The following LUZP2 variants were observed in gnomAD, a reference collection of about 807,000 sequenced individuals.
LUZP2 encodes leucine zipper protein 2.
A neutral mutation model predicts 51.6 loss-of-function variants in LUZP2; 52 were observed. The ratio of observed to expected loss-of-function variants is 1.01; its 90% CI spans 0.81 to 1.27. The LOEUF (loss-of-function observed/expected upper bound fraction) is 1.27, where lower values mean the gene tolerates loss of function less well. LUZP2 is among the 50% of genes most tolerant of loss of function. The pLI is 0.00. For missense variants in LUZP2, 436 were observed against 395.4 expected, an observed-to-expected ratio of 1.10 and a Z score of -0.87; for synonymous variants, 154 against 137.3, an observed-to-expected ratio of 1.12 and a Z score of -0.85.
chr11:24,751,400 C>A (rs1045371770), intron 4 of LUZP2: 3 of 166,412 alleles, frequency 1.8e-5, no homozygotes, highest in African/African-American at 7.2e-5. Context: ...GTAGATTCTG[C>A]TCTCCTTTTC....
intron 9 of LUZP2, among the ~76,000 whole-genome samples, chr11:24,997,130 A>G (rs1856528212): frequency 6.7e-6 from 1 of 150,274 alleles, no homozygotes; most frequent in African/African-American, 2.4e-5. Context: ...TTGGGTATAT[A>G]CCCAGTAATG....
intron 5 of LUZP2, among the ~76,000 whole-genome samples, chr11:24,806,663 G>A (rs572955375): frequency 1.3e-5 from 2 of 152,238 alleles, no homozygotes; most frequent in East Asian, 3.9e-4. Context: ...ACTCAAATAG[G>A]TAGTTCCCAG....
intron 1 of LUZP2, among the ~76,000 whole-genome samples, chr11:24,584,434 CA>C (rs1223887939): frequency 2.6e-5 from 4 of 152,056 alleles, no homozygotes; most frequent in African/African-American, 9.7e-5. Flanking sequence ...TTCTGTTCAC[CA>C]AAGAAGTAAA....
chr11:25,008,906 G>A (rs1354670639), intron 9 of LUZP2, among the ~76,000 whole-genome samples: 1 of 152,130 alleles, frequency 6.6e-6, no homozygotes, highest in African/African-American at 2.4e-5. Flanking sequence ...AGGCATCAAG[G>A]AAGTTCTCAC....
intron 4 of LUZP2, among the ~76,000 whole-genome samples, chr11:24,742,464 A>AT (rs1217083457): frequency 6.6e-6 from 1 of 151,764 alleles, no homozygotes; most frequent in African/African-American, 2.4e-5. Context: ...GATATTGAGC[A>AT]TTTTTTCATA....
intron 1 of LUZP2, among the ~76,000 whole-genome samples, chr11:24,711,736 T>G (rs1393966834): frequency 6.6e-6 from 1 of 152,162 alleles, no homozygotes; most frequent in Non-Finnish European, 1.5e-5. Flanking sequence ...TTTTCCCTAA[T>G]TTTTTGCCTT....
At chr11:25,066,922 A>G (rs1859011001) in intron 10 of LUZP2, among the ~76,000 whole-genome samples, 1 of 152,032 alleles carries the variant, frequency 6.6e-6, no homozygotes, top group South Asian at 2.1e-4. Flanking sequence ...CAAAGCTGAC[A>G]TAGCATAATC....
intron 1 of LUZP2, among the ~76,000 whole-genome samples, chr11:24,691,884 G>C (rs1215849029): frequency 6.6e-6 from 1 of 151,962 alleles, no homozygotes; most frequent in South Asian, 2.1e-4. Context: ...TGATTCATAA[G>C]GCCAGCATTC....
At chr11:24,911,535 C>T (rs1040717581) in intron 6 of LUZP2, among the ~76,000 whole-genome samples, 1 of 151,990 alleles carries the variant, frequency 6.6e-6, no homozygotes, top group Non-Finnish European at 1.5e-5. Context: ...TGGCATTTCC[C>T]CTGCTGGCAC....
chr11:24,989,594 T>C (rs1239967028), intron 9 of LUZP2, among the ~76,000 whole-genome samples: 1 of 152,074 alleles, frequency 6.6e-6, no homozygotes, highest in East Asian at 1.9e-4. Flanking sequence ...CAGACAAATA[T>C]GGACTCTGTG....
chr11:24,822,409 C>T (rs771795979), intron 5 of LUZP2, among the ~76,000 whole-genome samples: 18 of 152,136 alleles, frequency 1.2e-4, no homozygotes, highest in Middle Eastern at 3.4e-3. Flanking sequence ...CCTTTTGTGA[C>T]GTATTCTCAT....
chr11:25,017,729 A>G (rs1490479327), intron 9 of LUZP2, among the ~76,000 whole-genome samples: 1 of 151,636 alleles, frequency 6.6e-6, no homozygotes, highest in Non-Finnish European at 1.5e-5. Flanking sequence ...TGTTGTTGTT[A>G]TGTGTTTTGC....
chr11:24,574,727 C>G (rs12284708), intron 1 of LUZP2, among the ~76,000 whole-genome samples: 57,378 of 151,740 alleles, frequency 0.38, 11,124 homozygotes, highest in Middle Eastern at 0.51. Context: ...TTAAAGTTAT[C>G]CTATCCTCTC....
At chr11:24,997,835 T>A (rs930343959) in intron 9 of LUZP2, among the ~76,000 whole-genome samples, 4 of 152,204 alleles carry the variant, frequency 2.6e-5, no homozygotes, top group Admixed American at 1.3e-4. Flanking sequence ...GCTTTCTACA[T>A]ATGGCTAGCC....
chr11:24,623,662 A>G (rs769904801), intron 1 of LUZP2, among the ~76,000 whole-genome samples: 1 of 152,086 alleles, frequency 6.6e-6, no homozygotes, highest in Non-Finnish European at 1.5e-5. Context: ...CCTGGCCAAC[A>G]TGGTGAAACC....
intron 5 of LUZP2, among the ~76,000 whole-genome samples, chr11:24,889,287 G>A (rs1906089): frequency 0.39 from 58,731 of 151,972 alleles, 11,572 homozygotes; most frequent in African/African-American, 0.41. Flanking sequence ...ATGACATCAA[G>A]CATGTACTGG....
intron 9 of LUZP2, among the ~76,000 whole-genome samples, chr11:25,025,632 G>A (rs1857468096): frequency 6.6e-6 from 1 of 152,156 alleles, no homozygotes; most frequent in South Asian, 2.1e-4. Context: ...TCATTAAAAA[G>A]TCAGGAAATA....
At chr11:24,867,301 G>A (rs1012348442) in intron 5 of LUZP2, among the ~76,000 whole-genome samples, 8 of 152,052 alleles carry the variant, frequency 5.3e-5, no homozygotes, top group African/African-American at 1.7e-4. Context: ...CCTGCATGAC[G>A]GTCTGGGTTA....
At chr11:24,653,204 C>T (rs1192723726) in intron 1 of LUZP2, among the ~76,000 whole-genome samples, 1 of 152,044 alleles carries the variant, frequency 6.6e-6, no homozygotes, top group African/African-American at 2.4e-5. Context: ...ATGATGTTGT[C>T]CTGGTCCATG....
Sources: gnomAD v4.1 joint callset for allele counts (sites outside exome capture counted in the v4.1 genomes callset) on GRCh38, gnomAD v4.1.1 for gene constraint, MANE v1.5 for transcripts, NCBI Gene and HGNC (gene_info 2026-07-23, HGNC 2026-07-21) for gene names.